The following TMC5 variants were observed in gnomAD, a reference collection of about 807,000 sequenced individuals.
TMC5 encodes the protein transmembrane channel-like protein 5.
A neutral mutation model predicts 110.5 loss-of-function variants in TMC5; 86 were observed. That is an observed-to-expected ratio of 0.78 (90% CI 0.65 to 0.93). The LOEUF (loss-of-function observed/expected upper bound fraction) is 0.93. Ranked by LOEUF, TMC5 falls within the 40% of genes least tolerant of loss-of-function variation. The pLI, the probability that TMC5 is intolerant of heterozygous loss-of-function variation, is 0.00. For missense variants in TMC5, 1,144 were observed against 1,222.8 expected, an observed-to-expected ratio of 0.94 and a Z score of 0.96; for synonymous variants, 455 against 439.5, an observed-to-expected ratio of 1.04 and a Z score of -0.44.
chr16:19,425,278 C>T (rs1321096837), intron 1 of TMC5, among the ~76,000 whole-genome samples: 2 of 150,442 alleles, frequency 1.3e-5, no homozygotes, highest in Non-Finnish European at 2.9e-5. Flanking sequence ...AATTCTATGT[C>T]ACTTTATGTC....
chr16:19,471,745 T>C (rs1968346905), intron 10 of TMC5, among the ~76,000 whole-genome samples: 4 of 152,008 alleles, frequency 2.6e-5, no homozygotes, highest in African/African-American at 9.7e-5. Context: ...TTCATTTATT[T>C]TTATTTATTT....
At chr16:19,455,597 A>G (rs1416973690) in intron 5 of TMC5, among the ~76,000 whole-genome samples, 2 of 152,222 alleles carry the variant, frequency 1.3e-5, no homozygotes, top group Non-Finnish European at 1.5e-5. Context: ...TCTTTTCAAA[A>G]TGTCTGGAGG....
At chr16:19,493,457 C>CTT (rs1567329361) in intron 19 of TMC5, among the ~76,000 whole-genome samples, 6 of 50,898 alleles carry the variant, frequency 1.2e-4, no homozygotes, top group African/African-American at 3.4e-4. Context: ...CTCTCTCTCT[C>CTT]TCTCTCTCTT....
chr16:19,479,530 T>C lies in TMC5; in HGVS notation c.2267+2T>C, dbSNP rs1340487562. On this transcript the variant is annotated splice_donor_variant, in intron 14 of 21. Transcript: ENST00000542583. LOFTEE classifies it high-confidence loss of function. Reference sequence around the variant, plus strand: ...CTTCCTGGGGGAGTTTCTGAGGAGGTAAATATTTGCCATTCTTAAGTAATT... The same window carrying C: ...CTTCCTGGGGGAGTTTCTGAGGAGGCAAATATTTGCCATTCTTAAGTAATT... 1 of 1,605,258 alleles carries C rather than the reference T, an allele frequency of 6.2e-7. No individual in the cohort carries two copies. Among genetic ancestry groups the C allele is most frequent in the African/African-American group, 1.3e-5 (1 of 74,780 alleles).
intron 6 of TMC5, among the ~76,000 whole-genome samples, chr16:19,460,742 A>G (rs1019653574): frequency 6.6e-6 from 1 of 152,226 alleles, no homozygotes; most frequent in African/African-American, 2.4e-5. Flanking sequence ...AGCGAAAAAC[A>G]TTAGGCAAAT....
chr16:19,457,431 G>A (rs1347240348), intron 5 of TMC5, among the ~76,000 whole-genome samples: 1 of 152,088 alleles, frequency 6.6e-6, no homozygotes, highest in Non-Finnish European at 1.5e-5. Flanking sequence ...AGGGCGGAAG[G>A]TTTTGTGGTT....
At chr16:19,415,660 A>G (rs527771570), upstream of TMC5, among the ~76,000 whole-genome samples, 35 of 152,316 alleles carry the variant, frequency 2.3e-4, no homozygotes, top group East Asian at 4.1e-3. Flanking sequence ...AATGATTGGC[A>G]GGCAGAACCG....
At chr16:19,455,505 C>G (rs1436990786) in intron 5 of TMC5, among the ~76,000 whole-genome samples, 1 of 152,168 alleles carries the variant, frequency 6.6e-6, no homozygotes, top group East Asian at 1.9e-4. Flanking sequence ...TACAGCAGCT[C>G]CACCCATGAT....
At chr16:19,423,997 G>A (rs985052065) in intron 1 of TMC5, among the ~76,000 whole-genome samples, 1 of 152,036 alleles carries the variant, frequency 6.6e-6, no homozygotes, top group African/African-American at 2.4e-5. Context: ...CAGGTGTTCT[G>A]CCCACCTCAG....
chr16:19,493,085 C>T lies in TMC5; in HGVS notation c.2826+857C>T, dbSNP rs530624798. On this transcript the variant is annotated intron_variant, in intron 19 of 21. Coordinates refer to ENST00000542583, the MANE Select transcript of TMC5 (RefSeq NM_001261841.2). ...CAAGCAATTCTTCTGCCTCAGCTTC[C>T]CGCATAGCTGGAATTACAGGCGCCT... Among the ~76,000 whole-genome samples, 8 of 151,498 alleles carry T rather than the reference C, an allele frequency of 5.3e-5. No individual in the cohort carries two copies. The East Asian group carries it at 1.6e-3, about 30-fold the overall frequency.
chr16:19,463,218 A>G, intron 6 of TMC5, 62 bp from the exon 7 acceptor site: 1 of 1,306,806 alleles, frequency 7.7e-7, no homozygotes, highest in Non-Finnish European at 1.1e-6. Context: ...CCATGTAACT[A>G]TTTTTTGAAT....
At position 19,474,292 on chromosome 16, in the gene TMC5, C is replaced by T. The variant is rs376092597; in HGVS notation, c.2090+16C>T. On this transcript the variant is annotated intron_variant, in intron 12 of 21. Transcript: ENST00000542583. ...TCCTGATCCGGTAGGTGATGTGTCG[C>T]GCCCAACACCAGCCTCTATTTCCAC... 40 of 1,610,590 alleles carry T rather than the reference C, an allele frequency of 2.5e-5. No homozygotes were observed. The highest frequency in any genetic ancestry group is 2.9e-5 in the Non-Finnish European group (34 of 1,178,210).
At chr16:19,455,442 A>G (rs1350394617) in intron 5 of TMC5, among the ~76,000 whole-genome samples, 2 of 152,138 alleles carry the variant, frequency 1.3e-5, no homozygotes, top group Non-Finnish European at 2.9e-5. Context: ...ATAAATAAAA[A>G]TTTTTAAAAA....
intron 9 of TMC5, among the ~76,000 whole-genome samples, chr16:19,468,802 T>G (rs1479068787): frequency 6.6e-6 from 1 of 152,206 alleles, no homozygotes; most frequent in Non-Finnish European, 1.5e-5. Context: ...AACATAGCCC[T>G]GCCAACACCT....
chr16:19,419,719 T>A (rs1475492175), intron 1 of TMC5, among the ~76,000 whole-genome samples: 1 of 151,974 alleles, frequency 6.6e-6, no homozygotes, highest in Non-Finnish European at 1.5e-5. Flanking sequence ...GCCACTAATG[T>A]TAAAAGTAGG....
Position 19,474,142 on chromosome 16 carries a change from T to C in TMC5, c.1956T>C (p.Ser652=). 6.2e-7 allele frequency: 1 copy of C among 1,613,866 alleles called. No homozygotes were observed. The highest frequency in any genetic ancestry group is 8.5e-7 in the Non-Finnish European group (1 of 1,179,996). ...EYNLEFLKTH[S]NPGAVLLLPF... ...CCCTGCAGTTCCTGAAGACACACAGTAACCCTGGGGCGGTGCTGTTACTGC... is the reference window on the plus strand; with the variant it reads ...CCCTGCAGTTCCTGAAGACACACAGCAACCCTGGGGCGGTGCTGTTACTGC... Residue 652 remains serine (S), a synonymous_variant, in exon 12 of 22, where the codon AGT becomes AGC. Transcript: ENST00000542583.
At chr16:19,496,311 T>C (rs1969052086) in intron 20 of TMC5, among the ~76,000 whole-genome samples, 1 of 152,230 alleles carries the variant, frequency 6.6e-6, no homozygotes, top group Admixed American at 6.5e-5. Context: ...CATGAAACCC[T>C]GCTCTAATTC....
At chr16:19,457,074 C>A in intron 5 of TMC5, 1 of 1,432,438 alleles carries the variant, frequency 7.0e-7, no homozygotes, top group Non-Finnish European at 9.5e-7. Context: ...TCCTCGTTGT[C>A]CACAGCATAT....
chr16:19,455,637 A>G (rs548885451), intron 5 of TMC5, among the ~76,000 whole-genome samples: 6 of 152,298 alleles, frequency 3.9e-5, no homozygotes, highest in South Asian at 2.1e-4. Flanking sequence ...TTGTGAACCC[A>G]GGCAAACTGT....
Sources: gnomAD v4.1 joint callset for allele counts (sites outside exome capture counted in the v4.1 genomes callset) on GRCh38, gnomAD v4.1.1 for gene constraint, MANE v1.5 for transcripts, NCBI Gene and HGNC (gene_info 2026-07-23, HGNC 2026-07-21) for gene names.